The following ADAM22 variants were observed in gnomAD, a reference collection of about 807,000 sequenced individuals.
ADAM22 encodes the protein ADAM metallopeptidase domain 22.
ADAM22 carries 65 observed loss-of-function variants against 144.6 expected under a neutral mutation model. That is an observed-to-expected ratio of 0.45 (90% CI 0.37 to 0.55). The LOEUF is 0.55. Among genes scored for constraint, ADAM22 ranks in the 20% least tolerant of loss-of-function variants. ADAM22 has a pLI of 0.00. For synonymous variants in ADAM22, 391 were observed against 412.6 expected, an observed-to-expected ratio of 0.95 and a Z score of 0.63; for missense variants, 974 against 1,184.9, an observed-to-expected ratio of 0.82 and a Z score of 2.61.
At chr7:88,032,048 C>T (rs1015241548) in intron 3 of ADAM22, among the ~76,000 whole-genome samples, 11 of 152,162 alleles carry the variant, frequency 7.2e-5, no homozygotes, top group African/African-American at 2.7e-4. Flanking sequence ...GGGACAGAGC[C>T]CTCAGGGAGA....
chr7:88,143,068 G>C lies in ADAM22; in HGVS notation c.1263G>C (p.Glu421Asp). The C allele has an allele frequency of 6.2e-7, 1 of 1,612,832 alleles. No homozygotes were observed. The highest frequency in any genetic ancestry group is 8.5e-7 in the Non-Finnish European group (1 of 1,179,200). Residue 421 changes from glutamate to aspartate, a missense_variant, in exon 15 of 32, where the codon GAG becomes GAC. This residue lies in a region of ADAM22 where 734 missense variants were observed against 950.6 expected (regional missense o/e 0.77). Coordinates refer to ENST00000413139, the MANE Select transcript of ADAM22 (RefSeq NM_001324418.2). ...AGTTCACCCAGTGTAATATTGAAGAGTATCATGACTTCCTGAATAGTGGAG... is the reference window on the plus strand; with the variant it reads ...AGTTCACCCAGTGTAATATTGAAGACTATCATGACTTCCTGAATAGTGGAG... ...PKKFTQCNIEEYHDFLNSGGG... is the reference protein window; with the variant it reads ...PKKFTQCNIEDYHDFLNSGGG...
rs1376873684 is a variant in ADAM22, at chr7:88,079,443, G to A, written c.390+3751G>A. 4.6e-5 allele frequency among the ~76,000 whole-genome samples: 7 copies of A among 152,214 alleles called. No homozygotes were observed. The East Asian group carries it at 5.8e-4, about 13-fold the overall frequency. On this transcript the variant is annotated intron_variant, in intron 4 of 31. Coordinates refer to ENST00000413139, the MANE Select transcript of ADAM22 (RefSeq NM_001324418.2). ...CTAGGAAGAAACTGCATCAACTAAC[G>A]AGCAAAATAACCAGCTAACATCATA... is the stretch of plus-strand genomic sequence containing the variant.
At chr7:88,019,781 C>T (rs952725847) in intron 3 of ADAM22, among the ~76,000 whole-genome samples, 1 of 146,732 alleles carries the variant, frequency 6.8e-6, no homozygotes, top group African/African-American at 2.5e-5. Flanking sequence ...ACCTGGGAGG[C>T]GGAGGTTGCA....
chr7:88,143,167 A>G (rs1212092788), intron 15 of ADAM22, 42 bp downstream of exon 15: 7 of 1,325,012 alleles, frequency 5.3e-6, no homozygotes, highest in African/African-American at 2.9e-5. Flanking sequence ...TTAATTATCA[A>G]CCTTTCTAAA....
intron 4 of ADAM22, among the ~76,000 whole-genome samples, chr7:88,084,778 G>T (rs1817953649): frequency 6.6e-6 from 1 of 152,082 alleles, no homozygotes; most frequent in African/African-American, 2.4e-5. Flanking sequence ...ATGTTAGTTT[G>T]CTAAAGCTAC....
At chr7:88,038,606 C>A (rs564107377) in intron 3 of ADAM22, among the ~76,000 whole-genome samples, 7 of 151,618 alleles carry the variant, frequency 4.6e-5, no homozygotes. Context: ...AGGCGCGCAC[C>A]ACCATGCCCG....
At chr7:88,005,386 G>T (rs1793562654) in intron 3 of ADAM22, among the ~76,000 whole-genome samples, 1 of 152,184 alleles carries the variant, frequency 6.6e-6, no homozygotes, top group African/African-American at 2.4e-5. Flanking sequence ...TGGTTCCTAT[G>T]GAGTAGGCAG....
chr7:88,182,848 T>C (rs1847417958), intron 29 of ADAM22, among the ~76,000 whole-genome samples: 1 of 152,176 alleles, frequency 6.6e-6, no homozygotes. Context: ...CATTCTATTT[T>C]ATCCTTCCTA....
intron 2 of ADAM22, among the ~76,000 whole-genome samples, chr7:87,960,247 A>G (rs1024583637): frequency 1.3e-5 from 2 of 152,188 alleles, no homozygotes; most frequent in Non-Finnish European, 2.9e-5. Context: ...TTTTCAAGAA[A>G]TAATTAGGTT....
chr7:87,984,642 C>T (rs1216982214), intron 3 of ADAM22, among the ~76,000 whole-genome samples: 1 of 152,072 alleles, frequency 6.6e-6, no homozygotes, highest in Non-Finnish European at 1.5e-5. Flanking sequence ...CTTTCCGAAT[C>T]CTATTTTTAT....
Position 88,131,273 on chromosome 7 carries a change from A to G in ADAM22, c.830A>G (p.Tyr277Cys). 1 of 1,613,128 alleles carries G rather than the reference A, an allele frequency of 6.2e-7. No homozygotes were observed. The highest frequency in any genetic ancestry group is 2.2e-5 in the East Asian group (1 of 44,828). Residue 277 changes from tyrosine (Y) to cysteine (C), a missense_variant, in exon 11 of 32, where the codon TAT becomes TGT. Tyr to Cys is a radical substitution (Grantham distance 194, BLOSUM62 -2). This residue lies in a region of ADAM22 where 734 missense variants were observed against 950.6 expected (regional missense o/e 0.77). Coordinates refer to ENST00000413139, the MANE Select transcript of ADAM22 (RefSeq NM_001324418.2). The part of the protein sequence containing the change: ...KSVVNMADLI[Y>C]KDQLKTRIVL... Reference sequence around the variant, plus strand: ...TTCATTTTATTAATATACTAGATATATAAAGACCAACTTAAGACCAGGATA... The same window carrying G: ...TTCATTTTATTAATATACTAGATATGTAAAGACCAACTTAAGACCAGGATA...
In ADAM22 at chr7:88,116,793, T is replaced by C. The variant is rs746430934; in HGVS notation, c.586T>C (p.Ser196Pro). The C allele has an allele frequency of 2.5e-6, 4 of 1,613,326 alleles. No homozygotes were observed. The South Asian group carries it at 4.4e-5, about 18-fold the overall frequency. The change falls in exon 7 of 32, where the codon TCC becomes CCC. Residue 196 changes from serine to proline, a missense_variant. Around this residue, in one of 2 missense-constraint regions of ADAM22, gnomAD observed 734 missense variants for 950.6 expected, o/e 0.77. Transcript: ENST00000413139. ...TTACAAATCCAGACTGTTTGAATTT[T>C]CCTTGGATGATCTTCCATCTGGTAT... ...SVYKSRLFEF[S>P]LDDLPSEFQQ...
intron 4 of ADAM22, among the ~76,000 whole-genome samples, chr7:88,081,418 T>G (rs1816586246): frequency 6.6e-6 from 1 of 152,216 alleles, no homozygotes; most frequent in Non-Finnish European, 1.5e-5. Flanking sequence ...GCATTCCCTT[T>G]GAAAACCGGC....
In ADAM22 at chr7:88,197,324, G is replaced by A. The variant is rs1850787676; in HGVS notation, c.*833G>A. 2 of 152,164 alleles carry A rather than the reference G, an allele frequency of 1.3e-5. No homozygotes were observed. Among genetic ancestry groups the A allele is most frequent in the African/African-American group, 2.4e-5 (1 of 41,434 alleles). The allele number at this position is 152,164 out of a possible 1,614,324, so 9.4% of individuals were successfully genotyped here. On this transcript the variant is annotated 3_prime_UTR_variant, in exon 32 of 32. Coordinates refer to ENST00000413139, the MANE Select transcript of ADAM22 (RefSeq NM_001324418.2). ...AAAACATGTGATATCCCTTTAACCT[G>A]TGCACAGTCTGGAGGCAGTTTTATT...
At chr7:87,978,491 C>T in intron 3 of ADAM22, 79 bp downstream of exon 3, 1 of 1,226,490 alleles carries the variant, frequency 8.2e-7, no homozygotes, top group Non-Finnish European at 1.2e-6. Context: ...TTTTTTCTTA[C>T]TATATTTTAC....
At chr7:87,952,495 C>T (rs1380579121) in intron 2 of ADAM22, among the ~76,000 whole-genome samples, 1 of 152,004 alleles carries the variant, frequency 6.6e-6, no homozygotes, top group Non-Finnish European at 1.5e-5. Flanking sequence ...ATGAAGCCCA[C>T]TTGATCATGG....
intron 30 of ADAM22, among the ~76,000 whole-genome samples, chr7:88,191,468 G>C (rs1168405527): frequency 6.6e-6 from 1 of 152,202 alleles, no homozygotes; most frequent in Non-Finnish European, 1.5e-5. Context: ...TATTTTATCA[G>C]TAGTGATTAG....
chr7:87,948,466 T>TG (rs1422971921), intron 2 of ADAM22, among the ~76,000 whole-genome samples: 3 of 152,210 alleles, frequency 2.0e-5, no homozygotes, highest in Non-Finnish European at 4.4e-5. Flanking sequence ...ATGTCCCTTC[T>TG]GCCCTTTATT....
chr7:88,033,839 G>A (rs1465460840), intron 3 of ADAM22, among the ~76,000 whole-genome samples: 1 of 152,094 alleles, frequency 6.6e-6, no homozygotes. Context: ...ACAGGCCCAC[G>A]TGGAGTACTG....
Sources: allele counts gnomAD v4.1 joint callset (sites outside exome capture counted in the v4.1 genomes callset), GRCh38; gene constraint gnomAD v4.1.1; regional missense constraint gnomAD v4.1.1; transcripts MANE v1.5; gene names NCBI Gene and HGNC (gene_info 2026-07-23, HGNC 2026-07-21).